Variants in PRP4K observed in about 807,000 individuals in gnomAD.
PRP4K encodes the protein pre-mRNA processing factor kinase PRP4K, also known as serine/threonine-protein kinase PRP4 homolog.
chr6:4,029,401 T>G, the PRP4K span, among the ~76,000 whole-genome samples: 1 of 148,926 alleles, frequency 6.7e-6, no homozygotes, highest in East Asian at 2.0e-4. Flanking sequence ...TGGAGTGCAG[T>G]GGCCCCATCA....
the PRP4K span, among the ~76,000 whole-genome samples, chr6:4,053,187 G>T: frequency 6.6e-6 from 1 of 152,084 alleles, no homozygotes; most frequent in Non-Finnish European, 1.5e-5. Flanking sequence ...GAAAAATGCT[G>T]CACATGTTGC....
chr6:4,029,925 A>G, the PRP4K span, among the ~76,000 whole-genome samples: 1 of 149,134 alleles, frequency 6.7e-6, no homozygotes, highest in East Asian at 2.0e-4. Flanking sequence ...TGGTTTTGTA[A>G]TCTGTTTTCT....
chr6:4,052,759 T>C, the PRP4K span: 1 of 1,602,974 alleles, frequency 6.2e-7, no homozygotes, highest in Non-Finnish European at 8.5e-7. Flanking sequence ...ATGGTAAAGA[T>C]GTTGGTCTTC....
the PRP4K span, among the ~76,000 whole-genome samples, chr6:4,026,023 CAG>C: frequency 2.9e-4 from 44 of 152,290 alleles, no homozygotes; most frequent in South Asian, 6.2e-4. Context: ...GTTTTTGAGA[CAG>C]AGTTTTGCTC....
the PRP4K span, among the ~76,000 whole-genome samples, chr6:4,028,817 C>G: frequency 6.6e-6 from 1 of 152,076 alleles, no homozygotes; most frequent in East Asian, 1.9e-4. Flanking sequence ...AGTAACTTCT[C>G]AGTCATACCG....
At chr6:4,027,487 T>C in the PRP4K span, among the ~76,000 whole-genome samples, 1 of 151,856 alleles carries the variant, frequency 6.6e-6, no homozygotes. Flanking sequence ...TCTTTGATGC[T>C]GTTCCTAAAA....
the PRP4K span, chr6:4,042,669 G>A: frequency 3.9e-6 from 3 of 777,078 alleles, no homozygotes; most frequent in East Asian, 8.7e-5. Context: ...CCTTAGAAAA[G>A]GATAGTATAT....
At chr6:4,028,101 T>C in the PRP4K span, among the ~76,000 whole-genome samples, 1 of 152,182 alleles carries the variant, frequency 6.6e-6, no homozygotes, top group Non-Finnish European at 1.5e-5. Flanking sequence ...ATATAGCCTA[T>C]ATAAAGAACA....
the PRP4K span, chr6:4,044,092 G>C: frequency 9.8e-3 from 14,176 of 1,440,198 alleles, 1,167 homozygotes; most frequent in African/African-American, 0.18. Flanking sequence ...AATAAGAGAC[G>C]TTATTTGGGG....
the PRP4K span, chr6:4,056,624 G>A: frequency 2.5e-6 from 4 of 1,580,612 alleles, no homozygotes; most frequent in Non-Finnish European, 3.4e-6. Flanking sequence ...GATCATGTCG[G>A]GCAAGAGTAG....
chr6:4,049,966 A>G, the PRP4K span: 2 of 1,401,412 alleles, frequency 1.4e-6, no homozygotes, highest in Non-Finnish European at 1.9e-6. Flanking sequence ...AAAGTGATAC[A>G]TGATAGAATG....
At chr6:4,054,792 A>G in the PRP4K span, among the ~76,000 whole-genome samples, 2 of 152,116 alleles carry the variant, frequency 1.3e-5, no homozygotes, top group African/African-American at 4.8e-5. Flanking sequence ...GCGTGAGCCA[A>G]TTTTTTGTTT....
chr6:4,061,415 A>C, the PRP4K span: 1 of 152,584 alleles, frequency 6.6e-6, no homozygotes, highest in Non-Finnish European at 1.5e-5. Flanking sequence ...CTTGCTATAG[A>C]CTTTATATAC....
At chr6:4,051,856 C>A in the PRP4K span, 1 of 732,856 alleles carries the variant, frequency 1.4e-6, no homozygotes, top group Non-Finnish European at 2.1e-6. Context: ...ACTTCTCCCA[C>A]ACATCACCTG....
chr6:4,039,932 G>A, the PRP4K span, among the ~76,000 whole-genome samples: 1 of 138,832 alleles, frequency 7.2e-6, no homozygotes, highest in Admixed American at 8.3e-5. Flanking sequence ...GTAGGATCTT[G>A]CTCTGTTACC....
the PRP4K span, chr6:4,063,537 C>T: frequency 1.3e-5 from 2 of 152,148 alleles, no homozygotes; most frequent in East Asian, 1.9e-4. Context: ...TGTTCCCCAA[C>T]TTACCCTGTA....
the PRP4K span, among the ~76,000 whole-genome samples, chr6:4,044,857 A>ATTT: frequency 1.5e-4 from 18 of 116,998 alleles, no homozygotes; most frequent in South Asian, 2.7e-4. Context: ...TATTATTATT[A>ATTT]TTATTATTTT....
the PRP4K span, chr6:4,040,869 T>C: frequency 6.2e-7 from 1 of 1,613,972 alleles, no homozygotes; most frequent in Admixed American, 1.7e-5. Flanking sequence ...GGAAGATAAA[T>C]TTAAAGGAAG....
the PRP4K span, chr6:4,021,593 G>A: frequency 3.8e-6 from 5 of 1,319,800 alleles, no homozygotes; most frequent in Non-Finnish European, 5.3e-6. Context: ...GGCGCGATTC[G>A]TTGTGGGGTG....
Sources: allele counts gnomAD v4.1 joint callset (sites outside exome capture counted in the v4.1 genomes callset), GRCh38; gene constraint gnomAD v4.1.1; transcripts MANE v1.5; gene names NCBI Gene and HGNC (gene_info 2026-07-23, HGNC 2026-07-21).